The following ZC3H12D variants were observed in gnomAD, a reference collection of about 807,000 sequenced individuals.
The protein encoded by ZC3H12D is probable ribonuclease ZC3H12D.
ZC3H12D carries 11 observed loss-of-function variants against 24.2 expected under a neutral mutation model. The observed-to-expected ratio is 0.46, with a 90% CI of 0.29 to 0.75. ZC3H12D has a LOEUF of 0.75. ZC3H12D is among the 30% of genes least tolerant of loss of function. The probability of loss-of-function intolerance (pLI) is 0.11; values close to 1 mark genes in which losing one functional copy is unlikely to be tolerated. For synonymous variants in ZC3H12D, 333 were observed against 341.8 expected (o/e 0.97, Z 0.28); for missense variants, 740 against 767.7 (o/e 0.96, Z 0.43).
intron 3 of ZC3H12D, among the ~76,000 whole-genome samples, chr6:149,460,839 AAAAG>A (rs1237676048): frequency 1.3e-5 from 2 of 151,344 alleles, no homozygotes; most frequent in African/African-American, 2.4e-5. Context: ...TCAAAAAAAA[AAAAG>A]AAAGAAAGAA....
intron 2 of ZC3H12D, among the ~76,000 whole-genome samples, chr6:149,471,425 G>A (rs1415592983): frequency 6.6e-6 from 1 of 152,206 alleles, no homozygotes; most frequent in East Asian, 1.9e-4. Context: ...CACATTCTCT[G>A]TGCTAACAGG....
intron 2 of ZC3H12D, among the ~76,000 whole-genome samples, chr6:149,472,265 G>A (rs1323018561): frequency 6.6e-6 from 1 of 152,170 alleles, no homozygotes; most frequent in Non-Finnish European, 1.5e-5. Context: ...CTGTGATCAG[G>A]TGGCGGTTGT....
rs1263375061 is a variant in ZC3H12D at position 149,452,885 on chromosome 6, C to T, written c.681-163G>A. Among the ~76,000 whole-genome samples, 3 of 152,152 alleles carry T rather than the reference C, an allele frequency of 2.0e-5. No homozygotes were observed. Among genetic ancestry groups the T allele is most frequent in the Non-Finnish European group, 4.4e-5 (3 of 68,016 alleles). ...CACAGCATCTTAAAGCAAAACCTTC[C>T]CTTCACACTGAACCCCATGCAGAGC... On this transcript the variant is annotated intron_variant, in intron 4 of 5. Transcript: ENST00000409806. This position sits in a 1 kb window ranked among gnomAD's most constrained non-coding sequence, Gnocchi z 4.0.
At chr6:149,483,789 G>T (rs1042877065) in intron 1 of ZC3H12D, among the ~76,000 whole-genome samples, 2 of 151,976 alleles carry the variant, frequency 1.3e-5, no homozygotes, top group Non-Finnish European at 2.9e-5. Flanking sequence ...GGCCTCAAGG[G>T]ATCCTCCCTC....
intron 2 of ZC3H12D, among the ~76,000 whole-genome samples, chr6:149,465,753 T>TC (rs1776148814): frequency 1.0e-5 from 1 of 97,634 alleles, no homozygotes; most frequent in African/African-American, 5.9e-5. Context: ...AGACGCCATC[T>TC]CAAAAAAAAA....
chr6:149,457,464 A>G (rs1018856331), intron 3 of ZC3H12D, among the ~76,000 whole-genome samples: 5 of 152,182 alleles, frequency 3.3e-5, no homozygotes. Context: ...ACTCAAGAAC[A>G]TCATAGAAAG....
At position 149,450,884 on chromosome 6, in the gene ZC3H12D, G is replaced by A; in HGVS notation, c.1383C>T (p.Ala461=). The A allele has an allele frequency of 6.5e-7, 1 of 1,541,480 alleles. No homozygotes were observed. Among genetic ancestry groups the A allele is most frequent in the Non-Finnish European group, 8.7e-7 (1 of 1,146,562 alleles). ...TCGCGTACACTGAAAGTCCCCCAGT[G>A]GCGCCGTCGCCCCAGGCCGGCTCCG... The part of the protein sequence containing the change: ...VWAEPAWGDG[A]TGGLSVYATE... The change falls in exon 6 of 6, where the codon GCC becomes GCT. Residue 461 remains alanine (A), a synonymous_variant. Transcript: ENST00000409806.
intron 2 of ZC3H12D, among the ~76,000 whole-genome samples, chr6:149,465,775 G>T (rs1250325581): frequency 7.1e-6 from 1 of 140,860 alleles, no homozygotes; most frequent in African/African-American, 2.7e-5. Flanking sequence ...AAGGGGGGGG[G>T]AAGAGGAAGC....
chr6:149,482,505 A>G (rs1331957957), intron 1 of ZC3H12D, among the ~76,000 whole-genome samples: 1 of 151,792 alleles, frequency 6.6e-6, no homozygotes, highest in Non-Finnish European at 1.5e-5. Flanking sequence ...AGGTCACAGG[A>G]GCAGCTTCCT....
chr6:149,468,808 A>G (rs1275487756), intron 2 of ZC3H12D, among the ~76,000 whole-genome samples: 1 of 152,050 alleles, frequency 6.6e-6, no homozygotes. Context: ...ATAAACCCCC[A>G]CCATTCTCTT....
chr6:149,458,490 A>G (rs1394573812), intron 3 of ZC3H12D, among the ~76,000 whole-genome samples: 3 of 152,064 alleles, frequency 2.0e-5, no homozygotes, highest in Admixed American at 6.5e-5. Flanking sequence ...GAATCATACT[A>G]TACATATACT....
In ZC3H12D at chr6:149,452,674, G is replaced by T; in HGVS notation, c.729C>A (p.Ser243Arg). 1 of 1,608,956 alleles carries T rather than the reference G, an allele frequency of 6.2e-7. No homozygotes were observed. The highest frequency in any genetic ancestry group is 1.1e-5 in the South Asian group (1 of 89,970). ...DPLGRHGPSL[S>R]NFLSRKPKPP... ...GCTTCGGCTTCCTGCTCAGGAAGTT[G>T]CTCAGGGAGGGTCCATGGCGGCCCA... The change falls in exon 5 of 6, where the codon AGC becomes AGA. Residue 243 changes from serine to arginine, a missense_variant. Transcript: ENST00000409806. This position sits in a 1 kb window ranked among gnomAD's most constrained non-coding sequence, Gnocchi z 4.0.
intron 3 of ZC3H12D, among the ~76,000 whole-genome samples, chr6:149,458,301 A>G (rs1185788196): frequency 1.3e-5 from 2 of 151,080 alleles, no homozygotes; most frequent in Non-Finnish European, 3.0e-5. Flanking sequence ...ACGCTCAGCT[A>G]ATTTTTTTAT....
chr6:149,469,406 C>T (rs556938784), intron 2 of ZC3H12D, among the ~76,000 whole-genome samples: 5 of 151,554 alleles, frequency 3.3e-5, no homozygotes, highest in East Asian at 3.9e-4. Context: ...TGCAGTGAGC[C>T]GAGATGGCGC....
At chr6:149,459,506 C>A in intron 3 of ZC3H12D, 1 of 699,924 alleles carries the variant, frequency 1.4e-6, no homozygotes, top group Non-Finnish European at 2.7e-6. Context: ...CCAGAATATG[C>A]GCAGAAGGCT....
At chr6:149,455,260 G>C (rs56012030) in intron 4 of ZC3H12D, among the ~76,000 whole-genome samples, 239 of 152,190 alleles carry the variant, frequency 1.6e-3, no homozygotes, top group Non-Finnish European at 2.9e-3. Context: ...TTTCCCCATC[G>C]ACCCTTCCCC....
In ZC3H12D at chr6:149,448,468, G is replaced by A. The variant is rs1029369014; in HGVS notation, c.*2215C>T. ...TGAGGCACAAGGATTGCTTGAGCCT[G>A]GGAAGTCAAAGCTGCAGTGAGCCCT... On this transcript the variant is annotated 3_prime_UTR_variant, in exon 6 of 6. Transcript: ENST00000409806. 6 of 151,420 alleles carry A rather than the reference G, an allele frequency of 4.0e-5. No individual in the cohort carries two copies. The highest frequency in any genetic ancestry group is 1.5e-4 in the African/African-American group (6 of 41,150). 9.4% of individuals were successfully genotyped at this position (151,420 alleles called of 1,614,324 possible).
rs1392075298 is a variant in ZC3H12D, at chr6:149,461,840, G to C, written c.436C>G (p.Pro146Ala). Residue 146 changes from proline (P) to alanine (A), a missense_variant, in exon 3 of 6, where the codon CCT (proline) becomes GCT (alanine). Coordinates refer to ENST00000409806, the MANE Select transcript of ZC3H12D (RefSeq NM_207360.3). ...WRKDPPRADT[P>A]IREQHVLAEL... ...ATCTGCTCCAGCATACCTCTGATAGGGGTGTCAGCTCTTGGTGGGTCCTTC... is the reference window on the plus strand; with the variant it reads ...ATCTGCTCCAGCATACCTCTGATAGCGGTGTCAGCTCTTGGTGGGTCCTTC... 1 of 1,560,912 alleles carries C rather than the reference G, an allele frequency of 6.4e-7. No individual in the cohort carries two copies. The highest frequency in any genetic ancestry group is 1.9e-5 in the Admixed American group (1 of 51,636).
chr6:149,457,211 C>A (rs1469166977), intron 3 of ZC3H12D, among the ~76,000 whole-genome samples: 4 of 152,306 alleles, frequency 2.6e-5, no homozygotes, highest in Non-Finnish European at 4.4e-5. Context: ...AGCCCTTGTC[C>A]TTTTGAGGGT....
Sources: allele counts gnomAD v4.1 joint callset (sites outside exome capture counted in the v4.1 genomes callset), GRCh38; gene constraint gnomAD v4.1.1; non-coding constraint Gnocchi (gnomAD v3.1); transcripts MANE v1.5; gene names NCBI Gene and HGNC (gene_info 2026-07-23, HGNC 2026-07-21).